Variants in MIR2052HG observed in about 807,000 individuals in gnomAD.
MIR2052HG encodes MIR2052 host gene.
chr8:74,655,552 A>G (rs926143460), intron 2 of MIR2052HG, among the ~76,000 whole-genome samples: 1 of 152,178 alleles, frequency 6.6e-6, no homozygotes. Context: ...CAGCTTCCAC[A>G]TGGTGTTGAG....
intron 2 of MIR2052HG, among the ~76,000 whole-genome samples, chr8:74,614,476 A>T (rs990127920): frequency 2.6e-5 from 4 of 152,042 alleles, no homozygotes; most frequent in Admixed American, 1.3e-4. Flanking sequence ...TTATTGTCTC[A>T]TTCTTTAAAA....
At chr8:74,620,574 A>G (rs1960928) in intron 2 of MIR2052HG, among the ~76,000 whole-genome samples, 97,927 of 152,202 alleles carry the variant, frequency 0.64, 31,691 homozygotes, top group Middle Eastern at 0.74. Context: ...AAGCTGCCAA[A>G]GCTTGGAGTT....
intron 4 of MIR2052HG, among the ~76,000 whole-genome samples, chr8:74,726,956 CA>C (rs1809643426): frequency 6.6e-6 from 1 of 152,124 alleles, no homozygotes; most frequent in African/African-American, 2.4e-5. Flanking sequence ...GTTATCTTTC[CA>C]ATGCCAAGTT....
intron 2 of MIR2052HG, among the ~76,000 whole-genome samples, chr8:74,695,058 C>G (rs912035510): frequency 3.3e-5 from 5 of 151,796 alleles, no homozygotes. Flanking sequence ...AGGAAAAAAT[C>G]TGCATCAGGT....
chr8:74,668,037 A>C (rs1329014391), intron 2 of MIR2052HG, among the ~76,000 whole-genome samples: 2 of 151,796 alleles, frequency 1.3e-5, no homozygotes, highest in Admixed American at 6.6e-5. Context: ...AAAAAAAAAA[A>C]AACCCAGTGA....
intron 2 of MIR2052HG, among the ~76,000 whole-genome samples, chr8:74,642,862 G>T (rs1199504536): frequency 1.3e-5 from 2 of 152,166 alleles, no homozygotes; most frequent in African/African-American, 4.8e-5. Flanking sequence ...TCCAGCATGG[G>T]TAGCATTTGT....
intron 2 of MIR2052HG, among the ~76,000 whole-genome samples, chr8:74,688,538 G>C (rs1434928618): frequency 6.6e-6 from 1 of 152,216 alleles, no homozygotes; most frequent in Non-Finnish European, 1.5e-5. Context: ...GTGATTTATG[G>C]TCATTGGTTT....
intron 2 of MIR2052HG, among the ~76,000 whole-genome samples, chr8:74,658,718 C>T (rs956872260): frequency 1.2e-4 from 19 of 152,158 alleles, no homozygotes; most frequent in African/African-American, 4.1e-4. Flanking sequence ...AGAATAATGC[C>T]TGACACACAG....
At chr8:74,725,997 G>C (rs1219810102) in intron 4 of MIR2052HG, among the ~76,000 whole-genome samples, 1 of 152,042 alleles carries the variant, frequency 6.6e-6, no homozygotes, top group Non-Finnish European at 1.5e-5. Context: ...TTTGAGACCA[G>C]TCTGGCCAAC....
intron 4 of MIR2052HG, among the ~76,000 whole-genome samples, chr8:74,714,688 C>G (rs1188768720): frequency 6.9e-6 from 1 of 145,796 alleles, no homozygotes; most frequent in African/African-American, 2.5e-5. Flanking sequence ...GGGAGACCTC[C>G]TTTTTCCTTC....
chr8:74,682,695 A>G (rs2128739221), intron 2 of MIR2052HG, among the ~76,000 whole-genome samples: 1 of 152,274 alleles, frequency 6.6e-6, no homozygotes, highest in African/African-American at 2.4e-5. Context: ...GTGGGAAACT[A>G]TATGGTGCAA....
intron 4 of MIR2052HG, among the ~76,000 whole-genome samples, chr8:74,740,926 C>A (rs1202406452): frequency 1.3e-5 from 2 of 152,192 alleles, no homozygotes; most frequent in South Asian, 2.1e-4. Flanking sequence ...ATCTGCATTA[C>A]AGAACGTTCT....
At chr8:74,645,475 G>A (rs544028507) in intron 2 of MIR2052HG, among the ~76,000 whole-genome samples, 1 of 152,226 alleles carries the variant, frequency 6.6e-6, no homozygotes, top group African/African-American at 2.4e-5. Flanking sequence ...AGTAGAGATG[G>A]GGTTTCTCTA....
chr8:74,757,894 A>G (rs1483920479), intron 5 of MIR2052HG: 1 of 152,132 alleles, frequency 6.6e-6, no homozygotes, highest in African/African-American at 2.4e-5. Context: ...CAAAATACCA[A>G]AAAATGTCAG....
rs539122785 is a variant in MIR2052HG, at chr8:74,603,196, A to G, written n.128+3288A>G. On this transcript the variant is annotated intron_variant and non_coding_transcript_variant, in intron 1 of 6. Transcript: ENST00000523442. ...AACTGAAAATTTACAAACTATTTAA[A>G]ACCTGAAATCGCTGACTGTTCAGAA... The G allele has an allele frequency of 6.3e-5, 61 of 972,650 alleles. No individual in the cohort carries two copies. In the African/African-American group the frequency reaches 6.9e-4, roughly 11 times the overall value. The allele number at this position is 972,650 out of a possible 1,614,324, so 60.3% of individuals were successfully genotyped here.
rs546480938 is a variant in MIR2052HG, at chr8:74,744,207, T to C, written n.372-8234T>C. On this transcript the variant is annotated intron_variant and non_coding_transcript_variant, in intron 4 of 6. Coordinates refer to ENST00000523442, the Ensembl canonical transcript of MIR2052HG. ...TTCGGGTTTGATTTTATGTCACCAG[T>C]GTCTATCCAAAAACTATAATGAAAA... Among the ~76,000 whole-genome samples the C allele has an allele frequency of 3.2e-4, 48 of 152,208 alleles. No homozygotes were observed. The South Asian group carries it at 1.0e-2, about 32-fold the overall frequency.
intron 2 of MIR2052HG, among the ~76,000 whole-genome samples, chr8:74,660,145 T>C (rs1047873018): frequency 2.0e-5 from 3 of 152,188 alleles, no homozygotes; most frequent in African/African-American, 7.2e-5. Flanking sequence ...ATCTTTTTCA[T>C]GAAGTTTTGC....
At chr8:74,649,394 A>T (rs1808729157) in intron 2 of MIR2052HG, among the ~76,000 whole-genome samples, 1 of 152,186 alleles carries the variant, frequency 6.6e-6, no homozygotes, top group Non-Finnish European at 1.5e-5. Context: ...AGAGTTGATC[A>T]TGCAATTTAA....
At chr8:74,670,579 A>G (rs1041612542) in intron 2 of MIR2052HG, among the ~76,000 whole-genome samples, 1 of 152,178 alleles carries the variant, frequency 6.6e-6, no homozygotes, top group Non-Finnish European at 1.5e-5. Context: ...TAATCACTAG[A>G]GTTCAGGAGA....
Sources: gnomAD v4.1 joint callset for allele counts (sites outside exome capture counted in the v4.1 genomes callset) on GRCh38, gnomAD v4.1.1 for gene constraint, MANE v1.5 for transcripts, NCBI Gene and HGNC (gene_info 2026-07-23, HGNC 2026-07-21) for gene names.